TNKS: variants seen among roughly 807,000 people sequenced by gnomAD.
The protein encoded by TNKS is tankyrase.
A neutral mutation model predicts 135.8 loss-of-function variants in TNKS; 72 were observed. The ratio of observed to expected loss-of-function variants is 0.53; its 90% CI spans 0.44 to 0.64. The LOEUF is 0.64. Among genes scored for constraint, TNKS ranks in the 30% least tolerant of loss-of-function variants. The pLI is 0.00. For missense variants in TNKS, 1,769 were observed against 1,674.0 expected, an observed-to-expected ratio of 1.06 and a Z score of -0.99; for synonymous variants, 849 against 649.3, an observed-to-expected ratio of 1.31 and a Z score of -4.68.
rs183594893 is a variant in TNKS, at chr8:9,578,892, A to C, written c.674-1267A>C. On this transcript the variant is annotated intron_variant, in intron 1 of 26. Coordinates refer to ENST00000310430, the MANE Select transcript of TNKS (RefSeq NM_003747.3). ...CGAATATTTGCGGTTTCCTTTTATA[A>C]CCCATTGCAATTTAGTTTGTAATTT... Among the ~76,000 whole-genome samples the C allele has an allele frequency of 2.6e-5, 4 of 152,246 alleles. No individual in the cohort carries two copies. The East Asian group carries it at 7.7e-4, about 29-fold the overall frequency.
chr8:9,637,377 C>T (rs981778005), intron 3 of TNKS, among the ~76,000 whole-genome samples: 1 of 152,098 alleles, frequency 6.6e-6, no homozygotes, highest in Non-Finnish European at 1.5e-5. Flanking sequence ...AAACATTGCT[C>T]TTTATAATTC....
chr8:9,746,102 G>T lies in TNKS; in HGVS notation c.2644-1922G>T, dbSNP rs142113875. 5.2e-3 allele frequency among the ~76,000 whole-genome samples: 785 copies of T among 152,250 alleles called. 4 individuals carry two copies. The highest frequency in any genetic ancestry group is 0.017 in the Middle Eastern group (5 of 294). On this transcript the variant is annotated intron_variant, in intron 17 of 26. Transcript: ENST00000310430. ...ATGAGTTAGAAATTTATTTTCAATA[G>T]ATGATGTGCTTTTGAGTTAATTATC...
chr8:9,711,869 T>G (rs1804349513), intron 11 of TNKS, among the ~76,000 whole-genome samples: 1 of 152,218 alleles, frequency 6.6e-6, no homozygotes, highest in African/African-American at 2.4e-5. Flanking sequence ...CCGTCATATC[T>G]ACATAATTTA....
chr8:9,580,140 T>A lies in TNKS; in HGVS notation c.674-19T>A. The A allele has an allele frequency of 6.2e-7, 1 of 1,606,694 alleles. No individual in the cohort carries two copies. Among genetic ancestry groups the A allele is most frequent in the Non-Finnish European group, 8.5e-7 (1 of 1,173,422 alleles). On this transcript the variant is annotated intron_variant, in intron 1 of 26. Coordinates refer to ENST00000310430, the MANE Select transcript of TNKS (RefSeq NM_003747.3). Reference sequence around the variant, plus strand: ...CAAAATCAAATATATATACAAGACATTTTTTCGTTTCTTTTTAGGTTTTGG... The same window carrying A: ...CAAAATCAAATATATATACAAGACAATTTTTCGTTTCTTTTTAGGTTTTGG...
chr8:9,648,944 GAAAA>G (rs553613649), intron 3 of TNKS, among the ~76,000 whole-genome samples: 1 of 134,446 alleles, frequency 7.4e-6, no homozygotes, highest in Non-Finnish European at 1.6e-5. Context: ...ATTCCTGGGA[GAAAA>G]AAAAAAAAAC....
intron 2 of TNKS, among the ~76,000 whole-genome samples, chr8:9,587,276 G>A (rs1360956006): frequency 6.6e-6 from 1 of 152,040 alleles, no homozygotes; most frequent in Non-Finnish European, 1.5e-5. Flanking sequence ...TGGTGGCTTT[G>A]AAAAGAGAGA....
chr8:9,752,965 G>GAAA (rs767596138), intron 20 of TNKS, among the ~76,000 whole-genome samples: 2 of 97,276 alleles, frequency 2.1e-5, no homozygotes, highest in African/African-American at 7.4e-5. Context: ...ACCCTATCTC[G>GAAA]AAAAAAAAAA....
At chr8:9,730,419 G>T (rs572987472) in intron 13 of TNKS, among the ~76,000 whole-genome samples, 1 of 152,104 alleles carries the variant, frequency 6.6e-6, no homozygotes. Flanking sequence ...CCAGGGAGTG[G>T]CCCAGGCAGA....
chr8:9,609,060 T>C (rs1310955688), intron 2 of TNKS, among the ~76,000 whole-genome samples: 1 of 152,212 alleles, frequency 6.6e-6, no homozygotes, highest in East Asian at 1.9e-4. Context: ...CTTTTATACA[T>C]TTGCCCTATT....
intron 17 of TNKS, among the ~76,000 whole-genome samples, chr8:9,746,902 A>G (rs1418139536): frequency 5.6e-4 from 9 of 16,174 alleles, no homozygotes; most frequent in African/African-American, 3.4e-3. Flanking sequence ...TTTTTTTTTG[A>G]GACGGAGCCT....
At chr8:9,664,048 G>C (rs1438925909) in intron 3 of TNKS, among the ~76,000 whole-genome samples, 1 of 152,136 alleles carries the variant, frequency 6.6e-6, no homozygotes, top group Non-Finnish European at 1.5e-5. Context: ...GACTATCCAG[G>C]AGCCCCCAGC....
intron 2 of TNKS, 42 bp downstream of exon 2, chr8:9,580,425 T>TA (rs1344233550): frequency 6.4e-7 from 1 of 1,568,040 alleles, no homozygotes; most frequent in East Asian, 2.2e-5. Context: ...AATAAAGGTT[T>TA]ATTCTTACTT....
intron 5 of TNKS, 145 bp from the exon 6 acceptor site, chr8:9,704,518 C>T (rs1176696241): frequency 4.8e-6 from 3 of 620,832 alleles, no homozygotes; most frequent in African/African-American, 3.7e-5. Flanking sequence ...AATTATCTCT[C>T]CTTAAGTTAT....
In TNKS at chr8:9,621,010, C is replaced by T. The variant is rs560427296; in HGVS notation, c.994+5333C>T. Reference sequence around the variant, plus strand: ...CTGATAATTGGGGGCAGCATATTTTCCAGGTCATATAAATACTCATTAACC... The same window carrying T: ...CTGATAATTGGGGGCAGCATATTTTTCAGGTCATATAAATACTCATTAACC... On this transcript the variant is annotated intron_variant, in intron 3 of 26. Transcript: ENST00000310430. 3.3e-5 allele frequency among the ~76,000 whole-genome samples: 5 copies of T among 152,286 alleles called. No homozygotes were observed. The South Asian group carries it at 1.0e-3, about 32-fold the overall frequency.
intron 2 of TNKS, among the ~76,000 whole-genome samples, chr8:9,609,343 A>C (rs946521917): frequency 6.6e-6 from 1 of 152,210 alleles, no homozygotes; most frequent in African/African-American, 2.4e-5. Context: ...ATCAAATTCT[A>C]GGCTTTAGAT....
chr8:9,711,319 A>G (rs192112583), intron 11 of TNKS, among the ~76,000 whole-genome samples: 1 of 152,334 alleles, frequency 6.6e-6, no homozygotes, highest in Admixed American at 6.5e-5. Flanking sequence ...TCCTGAGGTA[A>G]GAGTGGGACT....
At chr8:9,708,143 A>G (rs1330856228) in intron 8 of TNKS, among the ~76,000 whole-genome samples, 1 of 152,148 alleles carries the variant, frequency 6.6e-6, no homozygotes, top group African/African-American at 2.4e-5. Context: ...TTATAGGTGT[A>G]TCTTTATGAC....
chr8:9,746,967 C>T (rs1456852430), intron 17 of TNKS, among the ~76,000 whole-genome samples: 1 of 149,300 alleles, frequency 6.7e-6, no homozygotes, highest in Admixed American at 6.7e-5. Flanking sequence ...ACTGCAACCT[C>T]CGCCTTTTGG....
At chr8:9,713,971 C>T (rs757621948) in intron 11 of TNKS, among the ~76,000 whole-genome samples, 2 of 152,178 alleles carry the variant, frequency 1.3e-5, no homozygotes, top group Admixed American at 1.3e-4. Flanking sequence ...AATTAGGATT[C>T]AGCCCTCTTC....
Sources: allele counts gnomAD v4.1 joint callset (sites outside exome capture counted in the v4.1 genomes callset), GRCh38; gene constraint gnomAD v4.1.1; transcripts MANE v1.5; gene names NCBI Gene and HGNC (gene_info 2026-07-23, HGNC 2026-07-21).